The following PKD1 variants were observed in gnomAD, a reference collection of about 807,000 sequenced individuals.
PKD1 encodes polycystin 1, transient receptor potential channel interacting.
Under a neutral mutation model 361.7 loss-of-function variants are expected in PKD1, and 81 were observed. The ratio of observed to expected loss-of-function variants is 0.22; its 90% CI spans 0.19 to 0.27. The LOEUF is 0.27. Among genes scored for constraint, PKD1 ranks in the 10% least tolerant of loss-of-function variants. The pLI, the probability that PKD1 is intolerant of heterozygous loss-of-function variation, is 1.00. For missense variants in PKD1, 6,399 were observed against 6,118.3 expected (o/e 1.05, Z -1.53); for synonymous variants, 3,615 against 2,818.3 (o/e 1.28, Z -8.95).
chr16:2,093,338 G>C, intron 37 of PKD1: 1 of 675,038 alleles, frequency 1.5e-6, no homozygotes. Context: ...GGCAGGAGTG[G>C]GCATTGGAGC....
At chr16:2,112,255 A>T (rs2092532112) in intron 14 of PKD1, 85 bp downstream of exon 14, 2 of 1,193,290 alleles carry the variant, frequency 1.7e-6, no homozygotes, top group Non-Finnish European at 2.4e-6. Flanking sequence ...TTGGGGAGGA[A>T]GGGGGGCAGC....
intron 1 of PKD1, among the ~76,000 whole-genome samples, chr16:2,125,460 C>T (rs1329734761): frequency 6.6e-6 from 1 of 152,238 alleles, no homozygotes; most frequent in East Asian, 1.9e-4. Context: ...ACAGATCCCT[C>T]CCACGGCTGA....
At position 2,119,409 on chromosome 16, in the gene PKD1, A is replaced by G. The variant is rs757779291; in HGVS notation, c.216-31T>C. On this transcript the variant is annotated intron_variant, in intron 1 of 45. Coordinates refer to ENST00000262304, the MANE Select transcript of PKD1 (RefSeq NM_001009944.3). ...GAGTGAGTGGCCGTGGGTCAGGGCC[A>G]GAGCCCCTAGTAGGCCAGAGGCCAT... The G allele has an allele frequency of 4.8e-6, 7 of 1,457,148 alleles. No homozygotes were observed. In the African/African-American group the frequency reaches 9.8e-5, roughly 20 times the overall value. The allele number at this position is 1,457,148 out of a possible 1,614,324, so 90.3% of individuals were successfully genotyped here.
Position 2,108,671 on chromosome 16 carries a change from G to A in PKD1, c.6496C>T (p.Arg2166Cys), listed in dbSNP as rs146096401. 3,052 of 1,566,168 alleles carry A rather than the reference G, an allele frequency of 1.9e-3. 13 individuals carry two copies. Among genetic ancestry groups the A allele is most frequent in the Non-Finnish European group, 1.4e-3 (1,636 of 1,156,402 alleles). The part of the protein sequence containing the change: ...PLQVLMRRSQ[R>C]NYLEAHVDLR... Reference sequence around the variant, plus strand: ...TCAACGTGGGCCTCCAAGTAGTTGCGCTGTGATCGCCGCATCAGCACCTGC... The same window carrying A: ...TCAACGTGGGCCTCCAAGTAGTTGCACTGTGATCGCCGCATCAGCACCTGC... The change falls in exon 15 of 46, where the codon CGC becomes TGC. Residue 2166 changes from arginine (R) to cysteine (C), a missense_variant. Coordinates refer to ENST00000262304, the MANE Select transcript of PKD1 (RefSeq NM_001009944.3).
intron 1 of PKD1, among the ~76,000 whole-genome samples, chr16:2,123,123 G>A (rs888097422): frequency 7.2e-5 from 11 of 152,168 alleles, no homozygotes; most frequent in African/African-American, 2.2e-4. Flanking sequence ...CTTCTTCCAC[G>A]CCAGCAGGCA....
chr16:2,096,988 T>C (rs961554345), intron 34 of PKD1, 160 bp downstream of exon 34: 3 of 641,630 alleles, frequency 4.7e-6, no homozygotes, highest in Non-Finnish European at 8.4e-6. Flanking sequence ...CATGAGGCTC[T>C]TTCCACAGAC....
Position 2,110,560 on chromosome 16 carries a change from C to T in PKD1, c.4607G>A (p.Ser1536Asn), listed in dbSNP as rs756309951. ...CACCGTCACATTGAGCCAGGCCTCG[C>T]TGCGGCTCACCTCATTCCAGCCGGC... ...RVAGWNEVSRSEAWLNVTVKR... is the reference protein window; with the variant it reads ...RVAGWNEVSRNEAWLNVTVKR... The change falls in exon 15 of 46, where the codon AGC (serine) becomes AAC (asparagine). Residue 1536 changes from serine (S) to asparagine (N), a missense_variant. Coordinates refer to ENST00000262304, the MANE Select transcript of PKD1 (RefSeq NM_001009944.3). 3.1e-5 allele frequency: 50 copies of T among 1,611,148 alleles called. No individual in the cohort carries two copies. Among genetic ancestry groups the T allele is most frequent in the Non-Finnish European group, 3.8e-5 (45 of 1,179,796 alleles).
At chr16:2,095,444 C>T (rs2151716632) in intron 34 of PKD1, 1 of 152,314 alleles carries the variant, frequency 6.6e-6, no homozygotes, top group African/African-American at 2.4e-5. Flanking sequence ...AACCCAGCCT[C>T]AACTATTCCT....
rs1567200117 is a variant in PKD1 at position 2,110,723 on chromosome 16, G to A, written c.4444C>T (p.Gln1482Ter). ...KVNGSLGLEL[Q>*]QPYLFSAVGR... ...ACAGCAGAGAACAGGTACGGCTGCTGCAGCTCCAGCCCAAGGGAGCCATTG... is the reference window on the plus strand; with the variant it reads ...ACAGCAGAGAACAGGTACGGCTGCTACAGCTCCAGCCCAAGGGAGCCATTG... Residue 1482 changes from glutamine (Q) to a stop codon, truncating the protein, a stop_gained, in exon 15 of 46, where the codon CAG becomes TAG. Coordinates refer to ENST00000262304, the MANE Select transcript of PKD1 (RefSeq NM_001009944.3). LOFTEE classifies it high-confidence loss of function. 1 of 1,610,406 alleles carries A rather than the reference G, an allele frequency of 6.2e-7. No individual in the cohort carries two copies.
chr16:2,132,616 T>A (rs2092900492), intron 1 of PKD1, among the ~76,000 whole-genome samples: 1 of 150,146 alleles, frequency 6.7e-6, no homozygotes, highest in Non-Finnish European at 1.5e-5. Context: ...CATCAACTAA[T>A]TGCAGTGTGT....
In PKD1 at chr16:2,100,505, G is replaced by A. The variant is rs1401378171; in HGVS notation, c.9459C>T (p.His3153=). 7 of 1,610,534 alleles carry A rather than the reference G, an allele frequency of 4.3e-6. No homozygotes were observed. In the South Asian group the frequency reaches 6.6e-5, roughly 15 times the overall value. Residue 3153 remains histidine (H), a synonymous_variant, in exon 27 of 46, where the codon CAC becomes CAT. Transcript: ENST00000262304. The surrounding 1 kb of genome is among the most constrained non-coding windows in gnomAD (Gnocchi z 4.4). Reference sequence around the variant, plus strand: ...GGTGGAAGGCTCTGTCGCCGTCCAGGTGCCGGTGGCCGCTCCGGCTGTCCA... The same window carrying A: ...GGTGGAAGGCTCTGTCGCCGTCCAGATGCCGGTGGCCGCTCCGGCTGTCCA... ...YGVDSRSGHR[H]LDGDRAFHRN...
rs1171068162 is a variant in PKD1 at position 2,118,858 on chromosome 16, G to A, written c.360-13C>T. The A allele has an allele frequency of 1.9e-6, 3 of 1,594,010 alleles. No individual in the cohort carries two copies. Among genetic ancestry groups the A allele is most frequent in the South Asian group, 2.2e-5 (2 of 90,884 alleles). On this transcript the variant is annotated splice_polypyrimidine_tract_variant and intron_variant, in intron 3 of 45. Transcript: ENST00000262304. This position sits in a 1 kb window ranked among gnomAD's most constrained non-coding sequence, Gnocchi z 6.0. ...CCCACTCAGGTTTCTGCAGGGCAGGGGCAGGTGTTGGGGACCAGGTCTGGT... is the reference window on the plus strand; with the variant it reads ...CCCACTCAGGTTTCTGCAGGGCAGGAGCAGGTGTTGGGGACCAGGTCTGGT...
intron 34 of PKD1, chr16:2,095,400 C>T (rs1399914493): frequency 6.6e-6 from 1 of 152,176 alleles, no homozygotes; most frequent in Admixed American, 6.5e-5. Context: ...GCAACAGAGA[C>T]TCCATCTCAA....
Position 2,096,133 on chromosome 16 carries a change from C to T in PKD1, c.10499+1015G>A, listed in dbSNP as rs1052949880. On this transcript the variant is annotated intron_variant, in intron 34 of 45. Transcript: ENST00000262304. ...GCAGCAGTCACGCACCACTTAGTGC[C>T]AGGGATGTGTTCTGAGAAATGCGTC... Among the ~76,000 whole-genome samples, 8 of 152,358 alleles carry T rather than the reference C, an allele frequency of 5.3e-5. 1 individual carries two copies. The Middle Eastern group carries it at 0.024, about 453-fold the overall frequency.
Position 2,100,732 on chromosome 16 carries a change from T to G in PKD1, c.9398-166A>C, listed in dbSNP as rs1261994956. ...ACAAGGAGCTGCGGTTACTGCAATT[T>G]GTCCAATTAACAGCAGGACCTCAAG... On this transcript the variant is annotated intron_variant, in intron 26 of 45. Transcript: ENST00000262304. The surrounding 1 kb of genome is among the most constrained non-coding windows in gnomAD (Gnocchi z 4.4). 2 of 621,496 alleles carry G rather than the reference T, an allele frequency of 3.2e-6. No homozygotes were observed. Among genetic ancestry groups the G allele is most frequent in the African/African-American group, 1.8e-5 (1 of 54,810 alleles). 38.5% of individuals were successfully genotyped at this position (621,496 alleles called of 1,614,324 possible).
intron 34 of PKD1, chr16:2,096,928 C>A (rs2091871443): frequency 3.4e-6 from 2 of 592,984 alleles, no homozygotes; most frequent in Non-Finnish European, 6.0e-6. Flanking sequence ...TACAAAGCCC[C>A]ATGAGCCTGC....
rs541900021 is a variant in PKD1, at chr16:2,109,961, C to T, written c.5206G>A (p.Val1736Ile). The change falls in exon 15 of 46, where the codon GTC (valine) becomes ATC (isoleucine). Residue 1736 changes from valine to isoleucine, a missense_variant. Physicochemically the swap from Val to Ile is conservative, Grantham distance 29. Coordinates refer to ENST00000262304, the MANE Select transcript of PKD1 (RefSeq NM_001009944.3). ...SPNPAAVNTSVTLSAELAGGS... is the reference protein window; with the variant it reads ...SPNPAAVNTSITLSAELAGGS... ...CCAGCCAGCTCGGCACTGAGGGTGA[C>T]GCTTGTGTTGACGGCAGCTGGGTTC... 69 of 1,610,046 alleles carry T rather than the reference C, an allele frequency of 4.3e-5. No individual in the cohort carries two copies. Among genetic ancestry groups the T allele is most frequent in the African/African-American group, 9.3e-5 (7 of 74,978 alleles).
At position 2,094,217 on chromosome 16, in the gene PKD1, G is replaced by A. The variant is rs200405491; in HGVS notation, c.10500-7C>T. 4 of 1,528,152 alleles carry A rather than the reference G, an allele frequency of 2.6e-6. No individual in the cohort carries two copies. Among genetic ancestry groups the A allele is most frequent in the African/African-American group, 2.7e-5 (2 of 73,270 alleles). The allele number at this position is 1,528,152 out of a possible 1,614,324, so 94.7% of individuals were successfully genotyped here. On this transcript the variant is annotated splice_region_variant and splice_polypyrimidine_tract_variant and intron_variant, in intron 34 of 45. Transcript: ENST00000262304. The stretch of plus-strand genomic sequence containing the variant: ...CTCCCCAGGAGTGCTGGACCTGAGG[G>A]ACATGGTAGGCTGTGAATTCATCCC...
In PKD1 at chr16:2,091,013, G is replaced by A. The variant is rs1273771633; in HGVS notation, c.11874C>T (p.Ala3958=). The A allele has an allele frequency of 8.5e-6, 13 of 1,533,698 alleles. No homozygotes were observed. The highest frequency in any genetic ancestry group is 1.2e-5 in the South Asian group (1 of 84,102). ...TALVRLAQLG[A]ADRQWTRFVR... is the part of the protein sequence containing the mutation. ...CGAAACGGGTCCACTGGCGGTCAGC[G>A]GCACCCAGCTGGGCGAGGCGTACCA... The change falls in exon 43 of 46, where the codon GCC becomes GCT. Residue 3958 remains alanine (A), a synonymous_variant. Transcript: ENST00000262304.
Sources: allele counts gnomAD v4.1 joint callset (sites outside exome capture counted in the v4.1 genomes callset), GRCh38; gene constraint gnomAD v4.1.1; non-coding constraint Gnocchi (gnomAD v3.1); transcripts MANE v1.5; gene names NCBI Gene and HGNC (gene_info 2026-07-23, HGNC 2026-07-21).